Variants in SCN2A observed in about 807,000 individuals in gnomAD.
SCN2A encodes the protein sodium voltage-gated channel alpha subunit 2.
In SCN2A, 20 loss-of-function variants were observed where a neutral mutation model predicts 188.7. The ratio of observed to expected loss-of-function variants is 0.11; its 90% CI spans 0.07 to 0.15. SCN2A has a LOEUF of 0.15. SCN2A is among the 10% of genes least tolerant of loss of function. SCN2A has a pLI of 1.00. For synonymous variants in SCN2A, 804 were observed against 833.1 expected, an observed-to-expected ratio of 0.97 and a Z score of 0.60; for missense variants, 1,278 against 2,445.0, an observed-to-expected ratio of 0.52 and a Z score of 10.07.
At chr2:165,304,935 G>A (rs1697036760) in intron 3 of SCN2A, among the ~76,000 whole-genome samples, 1 of 152,194 alleles carries the variant, frequency 6.6e-6, no homozygotes, top group African/African-American at 2.4e-5. Flanking sequence ...CAATGGTCGT[G>A]TTAGCACAGT....
chr2:165,248,245 C>T (rs1693937313), intron 1 of SCN2A, among the ~76,000 whole-genome samples: 1 of 152,136 alleles, frequency 6.6e-6, no homozygotes, highest in Admixed American at 6.6e-5. Flanking sequence ...AAGTGATATC[C>T]AGTTTTCTCA....
intron 1 of SCN2A, chr2:165,268,861 C>T (rs1336936055): frequency 6.6e-6 from 1 of 151,840 alleles, no homozygotes; most frequent in Non-Finnish European, 1.5e-5. Context: ...ACCTGGAGGA[C>T]ATTAGGTTGA....
chr2:165,265,323 G>A (rs531621173), intron 1 of SCN2A, among the ~76,000 whole-genome samples: 1 of 149,336 alleles, frequency 6.7e-6, no homozygotes, highest in East Asian at 2.0e-4. Context: ...ATGTCCATTG[G>A]CCACTTTTTA....
intron 17 of SCN2A, 119 bp downstream of exon 17, chr2:165,354,790 GC>G (rs1700098928): frequency 2.0e-6 from 2 of 993,240 alleles, no homozygotes; most frequent in Admixed American, 5.1e-5. Flanking sequence ...TATCTGTCTA[GC>G]AATATATTTT....
At chr2:165,317,200 G>T (rs942248348) in intron 11 of SCN2A, among the ~76,000 whole-genome samples, 3 of 151,798 alleles carry the variant, frequency 2.0e-5, no homozygotes, top group Non-Finnish European at 4.4e-5. Context: ...ATTTAACATA[G>T]GATCTTTAAA....
At chr2:165,370,058 T>C (rs976794474) in intron 19 of SCN2A, 68 bp from the exon 20 acceptor site, 12 of 1,437,010 alleles carry the variant, frequency 8.4e-6, no homozygotes, top group Non-Finnish European at 8.7e-6. Context: ...ATCGTTTCCT[T>C]TTTTAAGAAA....
chr2:165,374,863 G>A lies in SCN2A; in HGVS notation c.4151G>A (p.Ser1384Asn). The A allele has an allele frequency of 6.2e-7, 1 of 1,613,458 alleles. No individual in the cohort carries two copies. Among genetic ancestry groups the A allele is most frequent in the Non-Finnish European group, 8.5e-7 (1 of 1,179,556 alleles). ...GATGTAAGCGTGGTCAACAACTACAGTGAGTGCAAAGCTCTCATTGAGAGC... is the reference window on the plus strand; with the variant it reads ...GATGTAAGCGTGGTCAACAACTACAATGAGTGCAAAGCTCTCATTGAGAGC... ...MFDVSVVNNY[S>N]ECKALIESNQ... Residue 1384 changes from serine to asparagine, a missense_variant, in exon 22 of 27, where the codon AGT becomes AAT. Transcript: ENST00000375437.
chr2:165,324,211 CT>C (rs1354938922), intron 12 of SCN2A, among the ~76,000 whole-genome samples: 1 of 152,148 alleles, frequency 6.6e-6, no homozygotes, highest in Non-Finnish European at 1.5e-5. Flanking sequence ...TTGAAATTTA[CT>C]TCATAAACCA....
In SCN2A at chr2:165,312,095, G is replaced by A; in HGVS notation, c.1034+7G>A. 2 of 1,609,760 alleles carry A rather than the reference G, an allele frequency of 1.2e-6. No homozygotes were observed. The highest frequency in any genetic ancestry group is 1.7e-6 in the Non-Finnish European group (2 of 1,176,756). ...GCAACAGCTCAGATGCAGGGTAAGT[G>A]ATGCTTCCTACTGAGTTTCAGTCCA... On this transcript the variant is annotated splice_region_variant and intron_variant, in intron 8 of 26. Transcript: ENST00000375437.
At chr2:165,304,247 G>T (rs559733851) in intron 3 of SCN2A, among the ~76,000 whole-genome samples, 3 of 151,900 alleles carry the variant, frequency 2.0e-5, no homozygotes, top group Non-Finnish European at 4.4e-5. Context: ...ACAGGCATCC[G>T]TCACGCCTGG....
chr2:165,309,130 CCTAAATT>C (rs1416873296), intron 5 of SCN2A: 1 of 1,606,924 alleles, frequency 6.2e-7, no homozygotes, highest in Non-Finnish European at 8.5e-7. Flanking sequence ...CGTAGATTTC[CCTAAATT>C]CTGAATAACT....
chr2:165,331,589 C>A (rs770830276), intron 14 of SCN2A, 21 bp downstream of exon 14: 6 of 1,562,326 alleles, frequency 3.8e-6, no homozygotes, highest in Non-Finnish European at 5.3e-6. Flanking sequence ...CTGAGAGTTT[C>A]TCTTCCTCTT....
rs1035229805 is a variant in SCN2A at position 165,354,761 on chromosome 2, C to T, written c.3399+90C>T. On this transcript the variant is annotated intron_variant, in intron 17 of 26. Transcript: ENST00000375437. Reference sequence around the variant, plus strand: ...TGTTTTTAAATTGCGTGTTTCCTTCCTGTTAAGAAAATAGAAAATATCTGT... The same window carrying T: ...TGTTTTTAAATTGCGTGTTTCCTTCTTGTTAAGAAAATAGAAAATATCTGT... 8.3e-6 allele frequency: 11 copies of T among 1,324,702 alleles called. No homozygotes were observed. The African/African-American group carries it at 1.2e-4, about 14-fold the overall frequency. 82.1% of individuals were successfully genotyped at this position (1,324,702 alleles called of 1,614,324 possible).
Position 165,307,183 on chromosome 2 carries a change from G to C in SCN2A, c.387-665G>C, listed in dbSNP as rs576931497. On this transcript the variant is annotated intron_variant, in intron 3 of 26. Coordinates refer to ENST00000375437, the MANE Select transcript of SCN2A (RefSeq NM_001040142.2). ...GCACTAGGGCCATTAAGTTGAAGGA[G>C]ACTTACATATTTTAACAAATTTGAT... Among the ~76,000 whole-genome samples, 4 of 152,190 alleles carry C rather than the reference G, an allele frequency of 2.6e-5. No homozygotes were observed. The South Asian group carries it at 8.3e-4, about 32-fold the overall frequency.
chr2:165,256,260 C>T (rs931598005), intron 1 of SCN2A, among the ~76,000 whole-genome samples: 2 of 152,054 alleles, frequency 1.3e-5, no homozygotes, highest in Admixed American at 1.3e-4. Context: ...CCACCTCGGC[C>T]TCCCAAAGTG....
At chr2:165,303,430 C>T (rs1696948286) in intron 3 of SCN2A, among the ~76,000 whole-genome samples, 1 of 151,930 alleles carries the variant, frequency 6.6e-6, no homozygotes, top group African/African-American at 2.4e-5. Context: ...CGCCCGCCAC[C>T]ACGCCCGGCT....
chr2:165,280,008 C>T (rs1430472768), intron 1 of SCN2A, among the ~76,000 whole-genome samples: 3 of 152,126 alleles, frequency 2.0e-5, no homozygotes, highest in Admixed American at 2.0e-4. Context: ...CTCCTTCTTG[C>T]CTTCTGCCAT....
intron 1 of SCN2A, among the ~76,000 whole-genome samples, chr2:165,265,479 A>C (rs1312047292): frequency 0.017 from 1,678 of 96,202 alleles, 74 homozygotes; most frequent in East Asian, 0.13. Context: ...ATCTATATAT[A>C]TATATATATA....
In SCN2A at chr2:165,387,650, A is replaced by C. The variant is rs57595782; in HGVS notation, c.4822+634A>C. ...GGAATGCAAAAGATTTATTGGAAAA[A>C]ATATATATATACAGTGTTTATGTAT... On this transcript the variant is annotated intron_variant, in intron 26 of 26. Coordinates refer to ENST00000375437, the MANE Select transcript of SCN2A (RefSeq NM_001040142.2). Among the ~76,000 whole-genome samples, 307 of 152,204 alleles carry C rather than the reference A, an allele frequency of 2.0e-3. 1 individual carries two copies. The highest frequency in any genetic ancestry group is 6.8e-3 in the African/African-American group (282 of 41,526).
Sources: gnomAD v4.1 joint callset for allele counts (sites outside exome capture counted in the v4.1 genomes callset) on GRCh38, gnomAD v4.1.1 for gene constraint, MANE v1.5 for transcripts, NCBI Gene and HGNC (gene_info 2026-07-23, HGNC 2026-07-21) for gene names.